The following PPME1 variants were observed in gnomAD, a reference collection of about 807,000 sequenced individuals.
The protein encoded by PPME1 is testicular secretory protein Li 39.
Under a neutral mutation model 56.9 loss-of-function variants are expected in PPME1, and 17 were observed. The observed-to-expected ratio is 0.30, with a 90% CI of 0.20 to 0.45. The LOEUF is 0.45. PPME1 is among the 20% of genes least tolerant of loss of function. PPME1 has a pLI of 1.00. For missense variants in PPME1, 357 were observed against 483.2 expected (o/e 0.74, Z 2.45); for synonymous variants, 122 against 156.2 (o/e 0.78, Z 1.63).
chr11:74,241,964 G>A (rs1471725888), intron 9 of PPME1, among the ~76,000 whole-genome samples: 1 of 152,120 alleles, frequency 6.6e-6, no homozygotes, highest in African/African-American at 2.4e-5. Context: ...TAGAAGTATA[G>A]ACGTTTTTAA....
chr11:74,200,380 T>C (rs2135618865), intron 1 of PPME1, among the ~76,000 whole-genome samples: 1 of 151,896 alleles, frequency 6.6e-6, no homozygotes, highest in Admixed American at 6.6e-5. Context: ...TGTGTGTGTG[T>C]GTGTGTGTGT....
At chr11:74,180,081 C>T (rs553043816) in intron 1 of PPME1, among the ~76,000 whole-genome samples, 7 of 152,196 alleles carry the variant, frequency 4.6e-5, no homozygotes, top group East Asian at 1.9e-4. Context: ...ATACAACTTA[C>T]ATTTCTTGGT....
At chr11:74,237,487 G>C (rs1192024363) in intron 8 of PPME1, among the ~76,000 whole-genome samples, 1 of 151,976 alleles carries the variant, frequency 6.6e-6, no homozygotes, top group Admixed American at 6.6e-5. Context: ...GTGTTAGCCA[G>C]GATGGTCTCT....
At chr11:74,188,430 C>T (rs908891374) in intron 1 of PPME1, among the ~76,000 whole-genome samples, 3 of 152,072 alleles carry the variant, frequency 2.0e-5, no homozygotes, top group African/African-American at 7.2e-5. Context: ...CATGATCTGC[C>T]TGCCTCGGCC....
At chr11:74,188,232 G>A (rs1352168564) in intron 1 of PPME1, among the ~76,000 whole-genome samples, 1 of 149,816 alleles carries the variant, frequency 6.7e-6, no homozygotes, top group Non-Finnish European at 1.5e-5. Context: ...TCTCACCCAG[G>A]CTGGAGTGAA....
chr11:74,220,549 A>G (rs1038033513), intron 3 of PPME1, among the ~76,000 whole-genome samples: 3 of 152,196 alleles, frequency 2.0e-5, no homozygotes, highest in African/African-American at 2.4e-5. Context: ...CTTATTAGCT[A>G]TTTAGCCTTG....
intron 9 of PPME1, among the ~76,000 whole-genome samples, chr11:74,242,357 C>T (rs1336583270): frequency 2.6e-5 from 4 of 152,154 alleles, no homozygotes; most frequent in South Asian, 4.1e-4. Context: ...TATGCAAGTA[C>T]CACACTGTCT....
chr11:74,201,775 A>G (rs1413148699), intron 1 of PPME1, among the ~76,000 whole-genome samples: 1 of 152,226 alleles, frequency 6.6e-6, no homozygotes, highest in Non-Finnish European at 1.5e-5. Flanking sequence ...ATGATATCCT[A>G]GGTCCAGATA....
chr11:74,247,967 G>A (rs1319308161), intron 11 of PPME1: 2 of 152,594 alleles, frequency 1.3e-5, no homozygotes, highest in African/African-American at 4.8e-5. Flanking sequence ...CTCTGGGCAA[G>A]TTATCTGACT....
chr11:74,198,797 T>C (rs372902864), intron 1 of PPME1: 7 of 152,230 alleles, frequency 4.6e-5, no homozygotes, highest in Admixed American at 2.0e-4. Context: ...GGCCTGACCC[T>C]GCTTAGCTTC....
At chr11:74,213,645 AT>A (rs1206331826) in intron 3 of PPME1, among the ~76,000 whole-genome samples, 1 of 152,214 alleles carries the variant, frequency 6.6e-6, no homozygotes, top group Non-Finnish European at 1.5e-5. Context: ...GAGAGACCCC[AT>A]TTATTTGGGA....
At chr11:74,180,316 T>G (rs1857498467) in intron 1 of PPME1, among the ~76,000 whole-genome samples, 1 of 152,196 alleles carries the variant, frequency 6.6e-6, no homozygotes, top group African/African-American at 2.4e-5. Context: ...TTGAGGTTCA[T>G]AAGGGTAGGA....
intron 3 of PPME1, among the ~76,000 whole-genome samples, chr11:74,209,446 A>G (rs139391405): frequency 1.9e-4 from 29 of 152,280 alleles, no homozygotes; most frequent in African/African-American, 6.7e-4. Flanking sequence ...ACGCACATCC[A>G]CATTAAGCAT....
rs78706045 is a variant in PPME1, at chr11:74,229,848, G to T, written c.399-397G>T. On this transcript the variant is annotated intron_variant, in intron 5 of 13. Transcript: ENST00000328257. ...ATTCTGAGGTTTACTACATTATAAT[G>T]CTTAATAAATTTTTGTTCTTGTTTT... 2.2e-3 allele frequency among the ~76,000 whole-genome samples: 335 copies of T among 152,268 alleles called. 3 individuals carry two copies. The highest frequency in any genetic ancestry group is 7.1e-3 in the African/African-American group (297 of 41,540).
intron 1 of PPME1, among the ~76,000 whole-genome samples, chr11:74,184,244 T>G (rs543722615): frequency 6.6e-6 from 1 of 152,342 alleles, no homozygotes; most frequent in South Asian, 2.1e-4. Flanking sequence ...GAACCATTGT[T>G]CATTATATAT....
At chr11:74,231,162 A>G (rs992392020) in intron 7 of PPME1, among the ~76,000 whole-genome samples, 160 bp downstream of exon 7, 2 of 152,130 alleles carry the variant, frequency 1.3e-5, no homozygotes, top group African/African-American at 4.8e-5. Context: ...GGTTCAAGCA[A>G]TCCTCCCACC....
chr11:74,247,392 G>A, intron 11 of PPME1: 1 of 402,428 alleles, frequency 2.5e-6, no homozygotes, highest in Admixed American at 4.2e-5. Flanking sequence ...GTTAAAATGA[G>A]GCAATGTGTT....
intron 1 of PPME1, among the ~76,000 whole-genome samples, chr11:74,180,727 C>G (rs951660411): frequency 2.0e-5 from 3 of 152,178 alleles, no homozygotes; most frequent in Non-Finnish European, 4.4e-5. Flanking sequence ...ATTCCCCAAA[C>G]CTGAAAGCAA....
intron 4 of PPME1, among the ~76,000 whole-genome samples, chr11:74,222,944 AT>A (rs61147423): frequency 1.0e-3 from 151 of 149,544 alleles, no homozygotes; most frequent in East Asian, 5.9e-3. Context: ...TTTTTTTTTA[AT>A]TTTTTTTTAT....
Sources: allele counts gnomAD v4.1 joint callset (sites outside exome capture counted in the v4.1 genomes callset), GRCh38; gene constraint gnomAD v4.1.1; transcripts MANE v1.5; gene names NCBI Gene and HGNC (gene_info 2026-07-23, HGNC 2026-07-21).